The following ELAVL2 variants were observed in gnomAD, a reference collection of about 807,000 sequenced individuals.
The protein encoded by ELAVL2 is ELAV-like protein 2.
A neutral mutation model predicts 34.6 loss-of-function variants in ELAVL2; 4 were observed. That is an observed-to-expected ratio of 0.12 (90% confidence interval 0.06 to 0.26). The LOEUF is 0.26. Among genes scored for constraint, ELAVL2 ranks in the 10% least tolerant of loss-of-function variants. ELAVL2 has a pLI of 1.00. For synonymous variants in ELAVL2, 193 were observed against 154.8 expected, an observed-to-expected ratio of 1.25 and a Z score of -1.83; for missense variants, 432 against 442.8, an observed-to-expected ratio of 0.98 and a Z score of 0.22.
intron 3 of ELAVL2, among the ~76,000 whole-genome samples, chr9:23,706,414 A>G (rs1324850243): frequency 1.3e-5 from 2 of 152,190 alleles, no homozygotes; most frequent in Non-Finnish European, 2.9e-5. Flanking sequence ...GATCATGCAG[A>G]TCCACAACGG....
intron 1 of ELAVL2, among the ~76,000 whole-genome samples, chr9:23,773,668 G>A (rs956008403): frequency 6.6e-6 from 1 of 152,078 alleles, no homozygotes; most frequent in Non-Finnish European, 1.5e-5. Context: ...CGCAATTACA[G>A]GCTACATTTT....
At chr9:23,797,654 G>A (rs373115601) in intron 1 of ELAVL2, among the ~76,000 whole-genome samples, 2 of 152,214 alleles carry the variant, frequency 1.3e-5, no homozygotes, top group East Asian at 1.9e-4. Flanking sequence ...GGATGCGGGC[G>A]TGGTGGCTTA....
intron 3 of ELAVL2, among the ~76,000 whole-genome samples, chr9:23,726,499 A>C (rs2045210527): frequency 6.6e-6 from 1 of 152,106 alleles, no homozygotes; most frequent in South Asian, 2.1e-4. Flanking sequence ...AATAACAATA[A>C]AACATTCTAT....
chr9:23,758,209 C>T (rs1469351018), intron 2 of ELAVL2, among the ~76,000 whole-genome samples: 1 of 152,072 alleles, frequency 6.6e-6, no homozygotes, highest in African/African-American at 2.4e-5. Flanking sequence ...GGTAATGCTA[C>T]ACACCACAGG....
At chr9:23,848,160 AG>A in the ELAVL2 span, among the ~76,000 whole-genome samples, 2 of 152,118 alleles carry the variant, frequency 1.3e-5, no homozygotes, top group African/African-American at 4.8e-5. Flanking sequence ...AGGTAGTGTT[AG>A]TATAGTTCAG....
chr9:23,794,991 C>A lies in ELAVL2; in HGVS notation c.-16+30815G>T, dbSNP rs947577401. ...CCCACCTTATTTTATCTTATGCACA[C>A]CTACAAAACATCTGTATACATGCCT... On this transcript the variant is annotated intron_variant, in intron 1 of 6. Coordinates refer to ENST00000397312, the MANE Select transcript of ELAVL2 (RefSeq NM_004432.5). Among the ~76,000 whole-genome samples the A allele has an allele frequency of 4.6e-5, 7 of 152,124 alleles. No homozygotes were observed. The South Asian group carries it at 1.4e-3, about 32-fold the overall frequency.
chr9:23,698,669 G>C (rs776720995), intron 5 of ELAVL2, among the ~76,000 whole-genome samples: 3 of 149,818 alleles, frequency 2.0e-5, no homozygotes, highest in Non-Finnish European at 4.4e-5. Flanking sequence ...TGATGATTTA[G>C]ACTCGAACTA....
chr9:23,700,522 TAC>T (rs2036816569), intron 5 of ELAVL2, among the ~76,000 whole-genome samples: 3 of 152,208 alleles, frequency 2.0e-5, no homozygotes, highest in African/African-American at 7.2e-5. Flanking sequence ...TTCTATGAAC[TAC>T]AGAGAGGTCA....
At chr9:23,814,008 C>G (rs1184309497) in intron 1 of ELAVL2, among the ~76,000 whole-genome samples, 1 of 152,130 alleles carries the variant, frequency 6.6e-6, no homozygotes, top group Non-Finnish European at 1.5e-5. Context: ...TAAATGTGGA[C>G]TCCATTGTTG....
Position 23,779,210 on chromosome 9 carries a change from A to C in ELAVL2, c.-15-16961T>G, listed in dbSNP as rs955916492. 3 of 985,332 alleles carry C rather than the reference A, an allele frequency of 3.0e-6. No homozygotes were observed. The African/African-American group carries it at 5.2e-5, about 17-fold the overall frequency. The allele number at this position is 985,332 out of a possible 1,614,324, so 61.0% of individuals were successfully genotyped here. On this transcript the variant is annotated intron_variant, in intron 1 of 6. Coordinates refer to ENST00000397312, the MANE Select transcript of ELAVL2 (RefSeq NM_004432.5). The stretch of plus-strand genomic sequence containing the variant: ...TAAAACAGGAGGTAAGTGGGGAAGG[A>C]ACTGAAGGGTAAATAAGAGGTCTTA...
At chr9:23,846,924 A>G in the ELAVL2 span, among the ~76,000 whole-genome samples, 1 of 151,934 alleles carries the variant, frequency 6.6e-6, no homozygotes, top group African/African-American at 2.4e-5. Flanking sequence ...CCAATTTTGG[A>G]GTCAGATAGA....
chr9:23,788,487 G>C lies in ELAVL2; in HGVS notation c.-15-26238C>G, dbSNP rs146784327. 2.1e-3 allele frequency among the ~76,000 whole-genome samples: 315 copies of C among 152,226 alleles called. 1 individual carries two copies. Among genetic ancestry groups the C allele is most frequent in the South Asian group, 5.8e-3 (28 of 4,824 alleles). ...CATGTTTTTTCCTACACATACCTAT[G>C]ATAAAATTTAATTTCTAAACTGGGC... On this transcript the variant is annotated intron_variant, in intron 1 of 6. Coordinates refer to ENST00000397312, the MANE Select transcript of ELAVL2 (RefSeq NM_004432.5).
intron 1 of ELAVL2, among the ~76,000 whole-genome samples, chr9:23,815,476 A>C (rs1177322582): frequency 6.6e-6 from 1 of 152,186 alleles, no homozygotes; most frequent in East Asian, 1.9e-4. Context: ...TTATAAAAAA[A>C]CAAAATCACT....
At chr9:23,698,994 C>A (rs556211480) in intron 5 of ELAVL2, among the ~76,000 whole-genome samples, 47 of 152,300 alleles carry the variant, frequency 3.1e-4, no homozygotes, top group African/African-American at 9.6e-4. Flanking sequence ...ATAACAATTT[C>A]TCCCATTTTC....
At chr9:23,776,607 G>T (rs192075313) in intron 1 of ELAVL2, among the ~76,000 whole-genome samples, 8 of 152,048 alleles carry the variant, frequency 5.3e-5, no homozygotes, top group Admixed American at 5.2e-4. Context: ...CACCCCTCAC[G>T]GAACTTCTCC....
intron 1 of ELAVL2, among the ~76,000 whole-genome samples, chr9:23,776,582 A>G (rs1383316068): frequency 6.6e-6 from 1 of 152,064 alleles, no homozygotes; most frequent in African/African-American, 2.4e-5. Context: ...AAGATGTACA[A>G]AACCCCACTC....
At chr9:23,795,465 C>A (rs1383024408) in intron 1 of ELAVL2, among the ~76,000 whole-genome samples, 1 of 152,124 alleles carries the variant, frequency 6.6e-6, no homozygotes. Flanking sequence ...ATCGCTTGAA[C>A]CTGGGAGGCG....
At chr9:23,744,519 GAT>G (rs1355084917) in intron 2 of ELAVL2, among the ~76,000 whole-genome samples, 2 of 152,100 alleles carry the variant, frequency 1.3e-5, no homozygotes, top group African/African-American at 4.8e-5. Flanking sequence ...TATGCTGCCA[GAT>G]CACTTACTAG....
At chr9:23,704,264 G>A (rs1554665504) in intron 4 of ELAVL2, among the ~76,000 whole-genome samples, 1 of 152,004 alleles carries the variant, frequency 6.6e-6, no homozygotes, top group Non-Finnish European at 1.5e-5. Flanking sequence ...AATTGTATCT[G>A]TATTTTATTT....
Sources: allele counts gnomAD v4.1 joint callset (sites outside exome capture counted in the v4.1 genomes callset), GRCh38; gene constraint gnomAD v4.1.1; transcripts MANE v1.5; gene names NCBI Gene and HGNC (gene_info 2026-07-23, HGNC 2026-07-21).